The following THRAP3 variants were observed in gnomAD, a reference collection of about 807,000 sequenced individuals.
The protein encoded by THRAP3 is thyroid hormone receptor associated protein 3, also known as thyroid hormone receptor-associated protein 3.
Under a neutral mutation model 101.0 loss-of-function variants are expected in THRAP3, and 16 were observed. The ratio of observed to expected loss-of-function variants is 0.16; its 90% confidence interval spans 0.11 to 0.24. THRAP3 has a LOEUF of 0.24. Among genes scored for constraint, THRAP3 ranks in the 10% least tolerant of loss-of-function variants. THRAP3 has a pLI of 1.00. For synonymous variants in THRAP3, 407 were observed against 422.6 expected (o/e 0.96, Z 0.45); for missense variants, 989 against 1,202.7 (o/e 0.82, Z 2.63).
At chr1:36,257,808 T>C (rs983324350) in intron 1 of THRAP3, among the ~76,000 whole-genome samples, 7 of 152,144 alleles carry the variant, frequency 4.6e-5, no homozygotes, top group Non-Finnish European at 8.8e-5. Context: ...CTGGTTAGAA[T>C]TAGAGGGAAA....
At chr1:36,223,287 C>T (rs1246982056), upstream of THRAP3, among the ~76,000 whole-genome samples, 1 of 152,130 alleles carries the variant, frequency 6.6e-6, no homozygotes, top group African/African-American at 2.4e-5. Context: ...GCTGATGTGG[C>T]GTGGTCTGCT....
chr1:36,247,870 CTTTTTTT>C (rs550667195), intron 1 of THRAP3, among the ~76,000 whole-genome samples: 2 of 128,530 alleles, frequency 1.6e-5, no homozygotes, highest in Admixed American at 8.0e-5. Flanking sequence ...CCATCTTCAT[CTTTTTTT>C]TTTTTTTTTT....
chr1:36,274,042 CAAAA>C (rs35623670), intron 2 of THRAP3, among the ~76,000 whole-genome samples: 90 of 79,032 alleles, frequency 1.1e-3, no homozygotes, highest in Middle Eastern at 8.1e-3. Context: ...GACTCCACCT[CAAAA>C]AAAAAAAAAA....
chr1:36,216,322 C>T, the THRAP3 span, among the ~76,000 whole-genome samples: 1 of 151,852 alleles, frequency 6.6e-6, no homozygotes, highest in East Asian at 1.9e-4. Flanking sequence ...GAGTTCAAGA[C>T]CAGACTGGCC....
At chr1:36,274,790 G>A (rs1203815709) in intron 2 of THRAP3, among the ~76,000 whole-genome samples, 5 of 151,242 alleles carry the variant, frequency 3.3e-5, no homozygotes, top group South Asian at 2.1e-4. Context: ...GCGCCATCAC[G>A]CCCAGCTAAT....
At chr1:36,292,528 C>T (rs1025371856) in intron 6 of THRAP3, 70 bp from the exon 7 acceptor site, 10 of 1,248,022 alleles carry the variant, frequency 8.0e-6, no homozygotes, top group African/African-American at 3.0e-5. Flanking sequence ...CCTCGGCCTC[C>T]GAAAGTGGTG....
intron 6 of THRAP3, among the ~76,000 whole-genome samples, chr1:36,291,861 T>A (rs887875524): frequency 6.6e-6 from 1 of 152,232 alleles, no homozygotes; most frequent in African/African-American, 2.4e-5. Flanking sequence ...CCCCTCTAAG[T>A]GATCTCTTAT....
chr1:36,299,920 A>G (rs115513259), intron 9 of THRAP3, among the ~76,000 whole-genome samples: 1 of 152,238 alleles, frequency 6.6e-6, no homozygotes, highest in South Asian at 2.1e-4. Flanking sequence ...TTGTATGAAT[A>G]AGTGTGTGTG....
At position 36,289,657 on chromosome 1, in the gene THRAP3, C is replaced by G. The variant is rs188491011; in HGVS notation, c.1638C>G (p.Asp546Glu). ...PPPRKTSESRDKLGAKGDFPT... is the reference protein window; with the variant it reads ...PPPRKTSESREKLGAKGDFPT... The stretch of plus-strand genomic sequence containing the variant: ...CAAGAAAGACCTCTGAGAGCCGAGA[C>G]AAGCTGGGAGCGAAAGGAGATTTTC... Residue 546 changes from aspartate to glutamate, a missense_variant, in exon 5 of 12, where the codon GAC (aspartate) becomes GAG (glutamate). Asp to Glu is a conservative substitution (Grantham distance 45). Transcript: ENST00000354618. 6.2e-7 allele frequency: 1 copy of G among 1,614,224 alleles called. No individual in the cohort carries two copies. The highest frequency in any genetic ancestry group is 1.3e-5 in the African/African-American group (1 of 75,070).
At chr1:36,274,513 T>C (rs2124550426) in intron 2 of THRAP3, among the ~76,000 whole-genome samples, 1 of 152,114 alleles carries the variant, frequency 6.6e-6, no homozygotes, top group East Asian at 1.9e-4. Context: ...TTTAAAAATG[T>C]ACTATAGCTA....
At chr1:36,251,470 C>A (rs1645299614) in intron 1 of THRAP3, among the ~76,000 whole-genome samples, 1 of 152,134 alleles carries the variant, frequency 6.6e-6, no homozygotes, top group Admixed American at 6.6e-5. Context: ...TACATTGAGA[C>A]CTTGAGGCAC....
chr1:36,296,526 GGTTGA>G, intron 8 of THRAP3, 52 bp from the exon 9 acceptor site: 1 of 1,415,432 alleles, frequency 7.1e-7, no homozygotes, highest in Non-Finnish European at 9.5e-7. Context: ...TTTGTGGGAT[GGTTGA>G]GTTGACAGCT....
In THRAP3 at chr1:36,301,746, G is replaced by C. The variant is rs754009163; in HGVS notation, c.2646+50G>C. On this transcript the variant is annotated intron_variant, in intron 11 of 11. Coordinates refer to ENST00000354618, the MANE Select transcript of THRAP3 (RefSeq NM_005119.4). ...AGGGTTAGAGGGCCTTTGACACACA[G>C]AGTAGCTGATACCAAGCCTTAATTA... 3.8e-6 allele frequency: 6 copies of C among 1,568,800 alleles called. No homozygotes were observed. The Admixed American group carries it at 5.9e-5, about 15-fold the overall frequency.
chr1:36,304,192 G>A lies in THRAP3; in HGVS notation c.*175G>A. 3.0e-6 allele frequency: 3 copies of A among 1,009,486 alleles called. No individual in the cohort carries two copies. The highest frequency in any genetic ancestry group is 3.3e-5 in the African/African-American group (2 of 60,056). The allele number at this position is 1,009,486 out of a possible 1,614,324, so 62.5% of individuals were successfully genotyped here. On this transcript the variant is annotated 3_prime_UTR_variant, in exon 12 of 12. Transcript: ENST00000354618. ...CCCTGGCGCTGTCTCCCACTGGACA[G>A]AGGAGGCTGGCCATGGGGCCCAGGG...
chr1:36,251,481 A>G (rs1645299985), intron 1 of THRAP3, among the ~76,000 whole-genome samples: 1 of 152,230 alleles, frequency 6.6e-6, no homozygotes, highest in Non-Finnish European at 1.5e-5. Context: ...CTTGAGGCAC[A>G]GAATGATAGG....
chr1:36,280,932 T>A lies in THRAP3; in HGVS notation c.-31-1601T>A, dbSNP rs574607579. ...AAAGTTGACTCTTTATTTTTATTTA[T>A]TTTTTTTTTTGAGACGGAGTTTTGC... On this transcript the variant is annotated intron_variant, in intron 2 of 11. Transcript: ENST00000354618. Among the ~76,000 whole-genome samples, 32 of 146,986 alleles carry A rather than the reference T, an allele frequency of 2.2e-4. No homozygotes were observed. The East Asian group carries it at 4.5e-3, about 21-fold the overall frequency.
At chr1:36,249,030 G>A (rs1290536294) in intron 1 of THRAP3, among the ~76,000 whole-genome samples, 3 of 151,388 alleles carry the variant, frequency 2.0e-5, no homozygotes, top group South Asian at 2.1e-4. Flanking sequence ...TGGGACTGTA[G>A]GCATGCACCA....
chr1:36,299,918 A>G (rs1343205049), intron 9 of THRAP3, among the ~76,000 whole-genome samples: 1 of 152,114 alleles, frequency 6.6e-6, no homozygotes, highest in Non-Finnish European at 1.5e-5. Context: ...CTTTGTATGA[A>G]TAAGTGTGTG....
intron 1 of THRAP3, among the ~76,000 whole-genome samples, chr1:36,229,423 G>GTTTTTTTTTTTGT (rs1557803187): frequency 0.022 from 848 of 38,828 alleles, 19 homozygotes; most frequent in African/African-American, 0.055. Context: ...TTTTTTTTTT[G>GTTTTTTTTTTTGT]TTTTTTTTTT....
Sources: gnomAD v4.1 joint callset for allele counts (sites outside exome capture counted in the v4.1 genomes callset) on GRCh38, gnomAD v4.1.1 for gene constraint, MANE v1.5 for transcripts, NCBI Gene and HGNC (gene_info 2026-07-23, HGNC 2026-07-21) for gene names.